The following TEX11 variants were observed in gnomAD, a reference collection of about 807,000 sequenced individuals.
The protein encoded by TEX11 is testis-expressed protein 11.
Under a neutral mutation model 84.4 loss-of-function variants are expected in TEX11, and 7 were observed. The ratio of observed to expected loss-of-function variants is 0.08; its 90% CI spans 0.05 to 0.16. TEX11 has a LOEUF of 0.16. Among genes scored for constraint, TEX11 ranks in the 10% least tolerant of loss-of-function variants. TEX11 has a pLI of 1.00. For missense variants in TEX11, 551 were observed against 660.5 expected, an observed-to-expected ratio of 0.83 and a Z score of 1.82; for synonymous variants, 264 against 222.8, an observed-to-expected ratio of 1.18 and a Z score of -1.64.
intron 2 of TEX11, among the ~76,000 whole-genome samples, chrX:70,884,380 G>A (rs1297107356): frequency 9.0e-6 from 1 of 111,669 alleles, no homozygotes; most frequent in Non-Finnish European, 1.9e-5. Flanking sequence ...AGGACACTCA[G>A]ACAACTGAAA....
At chrX:70,548,330 A>G (rs890929937) in intron 28 of TEX11, among the ~76,000 whole-genome samples, 116 of 110,085 alleles carry the variant, frequency 1.1e-3, no homozygotes, top group Middle Eastern at 4.6e-3. Context: ...ATGATGAGTT[A>G]ATGGGTGCAG....
intron 13 of TEX11, among the ~76,000 whole-genome samples, chrX:70,709,475 T>C (rs764149547): frequency 9.0e-6 from 1 of 111,671 alleles, no homozygotes; most frequent in Non-Finnish European, 1.9e-5. Flanking sequence ...ATTATTACAT[T>C]ATCATAAGAA....
At chrX:70,589,647 C>T (rs1490660169) in intron 25 of TEX11, among the ~76,000 whole-genome samples, 2 of 111,008 alleles carry the variant, frequency 1.8e-5, no homozygotes, top group Admixed American at 9.6e-5. Flanking sequence ...CTCAGGCTCC[C>T]AAGTAGCTGG....
At chrX:70,867,015 C>G (rs2091602913) in intron 4 of TEX11, among the ~76,000 whole-genome samples, 1 of 111,714 alleles carries the variant, frequency 9.0e-6, no homozygotes, top group Non-Finnish European at 1.9e-5. Flanking sequence ...ATTGAAAGTT[C>G]TGGCCAGGGC....
intron 13 of TEX11, among the ~76,000 whole-genome samples, chrX:70,683,784 A>G (rs1021572490): frequency 4.4e-5 from 5 of 112,378 alleles, no homozygotes; most frequent in Non-Finnish European, 7.5e-5. Flanking sequence ...AACTTATTAC[A>G]AAGCCATAGT....
chrX:70,815,735 A>G (rs1280993833), intron 8 of TEX11, among the ~76,000 whole-genome samples: 1 of 111,024 alleles, frequency 9.0e-6, no homozygotes, highest in South Asian at 3.8e-4. Flanking sequence ...CTGCATTGCT[A>G]TCCATTTCAT....
intron 28 of TEX11, among the ~76,000 whole-genome samples, chrX:70,533,278 G>GA (rs897183175): frequency 1.1e-5 from 1 of 94,565 alleles, no homozygotes; most frequent in Non-Finnish European, 2.1e-5. Flanking sequence ...ATCACTGAAA[G>GA]AAAAAATTGA....
chrX:70,889,712 G>T (rs759663180), intron 2 of TEX11, among the ~76,000 whole-genome samples: 1 of 111,699 alleles, frequency 9.0e-6, no homozygotes, highest in East Asian at 2.8e-4. Flanking sequence ...GTGCTAAGTT[G>T]TTATCAAGTT....
intron 9 of TEX11, among the ~76,000 whole-genome samples, chrX:70,788,967 TATATATAGAGAGAGAG>T (rs1393997710): frequency 3.5e-3 from 113 of 31,935 alleles, no homozygotes; most frequent in Middle Eastern, 0.018. Context: ...TATATATATA[TATATATAGAGAGAGAG>T]AGAGAGAGAG....
chrX:70,838,454 G>C lies in TEX11; in HGVS notation c.526-4861C>G, dbSNP rs981682833. On this transcript the variant is annotated intron_variant, in intron 7 of 29. Transcript: ENST00000374333. ...AATAAAATAAAATAAAATCACATTT[G>C]TTTAATACCACCACCAATTTCATCA... Among the ~76,000 whole-genome samples the C allele has an allele frequency of 1.2e-4, 14 of 112,209 alleles. No individual in the cohort carries two copies. The Admixed American group carries it at 1.3e-3, about 11-fold the overall frequency.
intron 13 of TEX11, among the ~76,000 whole-genome samples, chrX:70,718,918 C>A (rs1206656211): frequency 9.0e-6 from 1 of 111,709 alleles, no homozygotes; most frequent in Admixed American, 9.5e-5. Context: ...AGGCCAACTT[C>A]TCCCATTAGT....
intron 28 of TEX11, among the ~76,000 whole-genome samples, chrX:70,548,444 T>TA (rs1394052117): frequency 9.1e-6 from 1 of 110,070 alleles, no homozygotes; most frequent in Non-Finnish European, 1.9e-5. Flanking sequence ...AAAATAATAA[T>TA]AAAAAATCAG....
the TEX11 span, among the ~76,000 whole-genome samples, chrX:70,514,582 G>A: frequency 4.6e-5 from 4 of 87,661 alleles, no homozygotes; most frequent in African/African-American, 9.6e-5. Context: ...TGTCAGAGCC[G>A]AGACTCCATC....
the TEX11 span, among the ~76,000 whole-genome samples, chrX:70,522,089 G>A: frequency 9.0e-6 from 1 of 111,249 alleles, no homozygotes; most frequent in African/African-American, 3.3e-5. Context: ...TGAACTCCTG[G>A]GCTCAAGCAA....
At chrX:70,579,919 AC>A (rs2088747620) in intron 25 of TEX11, among the ~76,000 whole-genome samples, 1 of 112,268 alleles carries the variant, frequency 8.9e-6, no homozygotes, top group African/African-American at 3.2e-5. Context: ...TAGTACAACC[AC>A]TGTGGAGAAG....
intron 8 of TEX11, among the ~76,000 whole-genome samples, chrX:70,812,229 G>C (rs2147813764): frequency 9.3e-6 from 1 of 107,792 alleles, no homozygotes; most frequent in Non-Finnish European, 1.9e-5. Context: ...TTTTGAGACG[G>C]AGTCTCACTC....
chrX:70,722,746 C>G (rs1286154068), intron 12 of TEX11, 50 bp from the exon 13 acceptor site: 1 of 979,368 alleles, frequency 1.0e-6, no homozygotes, highest in South Asian at 2.1e-5. Flanking sequence ...TTTGAGGAAG[C>G]TTAGTTATTT....
chrX:70,782,645 C>CAAAAAAAAAAAAAAAAAAA (rs780011355), intron 9 of TEX11, among the ~76,000 whole-genome samples: 7 of 28,904 alleles, frequency 2.4e-4, no homozygotes, highest in Admixed American at 6.8e-4. Context: ...AAATGGAAAG[C>CAAAAAAAAAAAAAAAAAAA]AAAAAAAAAA....
chrX:70,697,867 T>C (rs2090293518), intron 13 of TEX11, among the ~76,000 whole-genome samples: 1 of 112,025 alleles, frequency 8.9e-6, no homozygotes, highest in Non-Finnish European at 1.9e-5. Flanking sequence ...AGGTTAAGCA[T>C]CTGCAAAGTG....
Sources: gnomAD v4.1 joint callset for allele counts (sites outside exome capture counted in the v4.1 genomes callset) on GRCh38, gnomAD v4.1.1 for gene constraint, MANE v1.5 for transcripts, NCBI Gene and HGNC (gene_info 2026-07-23, HGNC 2026-07-21) for gene names.